Variants in PRSS23 observed in about 807,000 individuals in gnomAD.
PRSS23 encodes the protein protease, serine 23.
PRSS23 carries 25 observed loss-of-function variants against 34.7 expected under a neutral mutation model. The observed-to-expected ratio is 0.72, with a 90% CI of 0.53 to 1.01. The LOEUF (loss-of-function observed/expected upper bound fraction) is 1.01. Ranked by LOEUF, PRSS23 falls within the 50% of genes least tolerant of loss-of-function variation. The probability of loss-of-function intolerance (pLI) is 0.00; values close to 1 mark genes in which losing one functional copy is unlikely to be tolerated. For missense variants in PRSS23, 445 were observed against 475.6 expected, an observed-to-expected ratio of 0.94 and a Z score of 0.60; for synonymous variants, 176 against 186.6, an observed-to-expected ratio of 0.94 and a Z score of 0.46.
chr11:86,945,279 C>G (rs558163435), intron 2 of PRSS23, among the ~76,000 whole-genome samples: 22 of 147,794 alleles, frequency 1.5e-4, no homozygotes, highest in African/African-American at 5.5e-4. Flanking sequence ...AAAGTTCTAG[C>G]AATGATGGGA....
intron 2 of PRSS23, among the ~76,000 whole-genome samples, chr11:86,840,543 C>T (rs946585636): frequency 1.3e-5 from 2 of 152,134 alleles, no homozygotes; most frequent in African/African-American, 4.8e-5. Flanking sequence ...CAGTATTAGA[C>T]AGATCAACAA....
chr11:86,827,063 G>T (rs1157639357), intron 2 of PRSS23, among the ~76,000 whole-genome samples: 4 of 152,142 alleles, frequency 2.6e-5, no homozygotes, highest in African/African-American at 4.8e-5. Context: ...GTTTCAGAAG[G>T]AATGGTACCA....
At chr11:86,817,310 G>A (rs920295148) in intron 1 of PRSS23, among the ~76,000 whole-genome samples, 10 of 152,250 alleles carry the variant, frequency 6.6e-5, no homozygotes, top group African/African-American at 1.9e-4. Context: ...TTTGAAATGT[G>A]TCAATCTGTC....
At chr11:86,811,715 G>C (rs1238475756), downstream of PRSS23, among the ~76,000 whole-genome samples, 2 of 152,036 alleles carry the variant, frequency 1.3e-5, no homozygotes, top group East Asian at 3.9e-4. Flanking sequence ...TGGGGAGATG[G>C]GAAGTACCTG....
chr11:86,832,070 A>G (rs1948361850), intron 2 of PRSS23, among the ~76,000 whole-genome samples: 1 of 152,026 alleles, frequency 6.6e-6, no homozygotes. Flanking sequence ...CAGGGGATGT[A>G]TGCCATGTAT....
chr11:86,925,711 A>G (rs547440322), intron 2 of PRSS23, among the ~76,000 whole-genome samples: 3 of 152,334 alleles, frequency 2.0e-5, no homozygotes, highest in South Asian at 4.1e-4. Flanking sequence ...TGAAAAAATT[A>G]GGCTTACAGA....
intron 2 of PRSS23, among the ~76,000 whole-genome samples, chr11:86,903,955 T>G (rs1264893652): frequency 7.0e-6 from 1 of 142,632 alleles, no homozygotes; most frequent in Non-Finnish European, 1.6e-5. Flanking sequence ...AGCAATAATT[T>G]AGAATGTGCT....
At chr11:86,887,168 C>A (rs1948807988) in intron 2 of PRSS23, among the ~76,000 whole-genome samples, 1 of 152,168 alleles carries the variant, frequency 6.6e-6, no homozygotes, top group Non-Finnish European at 1.5e-5. Context: ...GACTCCAGAG[C>A]TGTGCTCGTT....
intron 2 of PRSS23, among the ~76,000 whole-genome samples, chr11:86,879,810 G>C (rs1291322290): frequency 1.1e-5 from 1 of 92,696 alleles, no homozygotes; most frequent in Non-Finnish European, 2.3e-5. Flanking sequence ...CGCCCCGTCC[G>C]GGAGGGAGGT....
intron 2 of PRSS23, among the ~76,000 whole-genome samples, chr11:86,853,017 C>A (rs1565366350): frequency 6.6e-6 from 1 of 151,878 alleles, no homozygotes; most frequent in South Asian, 2.1e-4. Flanking sequence ...CCACGCCCAG[C>A]TAATTTTTGT....
intron 2 of PRSS23, chr11:86,950,154 T>A (rs1431241214): frequency 6.6e-6 from 1 of 152,650 alleles, no homozygotes; most frequent in African/African-American, 2.4e-5. Flanking sequence ...GAATGCAAAG[T>A]TGCCAAGAAA....
chr11:86,792,819 G>A (rs547526253), intron 1 of PRSS23, among the ~76,000 whole-genome samples: 2 of 152,310 alleles, frequency 1.3e-5, no homozygotes, highest in East Asian at 3.9e-4. Flanking sequence ...CACATCTTGG[G>A]AACAGAAGTG....
At chr11:86,840,590 C>T (rs1185877346) in intron 2 of PRSS23, among the ~76,000 whole-genome samples, 4 of 152,218 alleles carry the variant, frequency 2.6e-5, no homozygotes, top group African/African-American at 9.6e-5. Flanking sequence ...GACTTGAACT[C>T]ACCTCTGGAA....
chr11:86,839,417 A>T (rs1948431099), intron 2 of PRSS23, among the ~76,000 whole-genome samples: 1 of 152,130 alleles, frequency 6.6e-6, no homozygotes, highest in Non-Finnish European at 1.5e-5. Context: ...AGAGGGAAAA[A>T]ACCTAACAAA....
At chr11:86,833,262 C>T in intron 2 of PRSS23, 26 of 1,578,042 alleles carry the variant, frequency 1.6e-5, no homozygotes, top group East Asian at 2.3e-5. Flanking sequence ...CAGCCAAGGA[C>T]AGGTTGGAGA....
At chr11:86,823,728 C>T (rs921269617) in intron 2 of PRSS23, 23 of 631,746 alleles carry the variant, frequency 3.6e-5, no homozygotes, top group African/African-American at 1.4e-4. Context: ...CAGAGCAGGC[C>T]GGGCGCGGTG....
chr11:86,873,296 A>AT (rs1047468718), intron 2 of PRSS23, among the ~76,000 whole-genome samples: 2 of 112,444 alleles, frequency 1.8e-5, no homozygotes, highest in Admixed American at 9.3e-5. Context: ...ATATATATAT[A>AT]TTTTTTTTCT....
At chr11:86,875,417 AG>A (rs2134952861) in intron 2 of PRSS23, among the ~76,000 whole-genome samples, 1 of 152,342 alleles carries the variant, frequency 6.6e-6, no homozygotes, top group South Asian at 2.1e-4. Flanking sequence ...CACATTAGTT[AG>A]TTGACCAGGC....
At chr11:86,942,801 G>A (rs1949214952) in intron 2 of PRSS23, among the ~76,000 whole-genome samples, 1 of 152,180 alleles carries the variant, frequency 6.6e-6, no homozygotes, top group Non-Finnish European at 1.5e-5. Flanking sequence ...CTAAACTTTT[G>A]CAGGTCCAAC....
Sources: gnomAD v4.1 joint callset for allele counts (sites outside exome capture counted in the v4.1 genomes callset) on GRCh38, gnomAD v4.1.1 for gene constraint, MANE v1.5 for transcripts, NCBI Gene and HGNC (gene_info 2026-07-23, HGNC 2026-07-21) for gene names.